BMPR2: variants seen among roughly 807,000 people sequenced by gnomAD.
The protein encoded by BMPR2 is bone morphogenetic protein receptor type-2.
BMPR2 carries 29 observed loss-of-function variants against 100.8 expected under a neutral mutation model. The observed-to-expected ratio is 0.29, with a 90% CI of 0.21 to 0.39. BMPR2 has a LOEUF of 0.39. BMPR2 is among the 10% of genes least tolerant of loss of function. The probability of loss-of-function intolerance (pLI) is 1.00; values close to 1 mark genes in which losing one functional copy is unlikely to be tolerated. For missense variants in BMPR2, 1,011 were observed against 1,274.5 expected (o/e 0.79, Z 3.15); for synonymous variants, 382 against 442.3 (o/e 0.86, Z 1.71).
At chr2:202,475,417 A>T (rs1039361902) in intron 3 of BMPR2, among the ~76,000 whole-genome samples, 3 of 152,202 alleles carry the variant, frequency 2.0e-5, no homozygotes, top group Non-Finnish European at 4.4e-5. Flanking sequence ...CCACAAAAAT[A>T]AAAAATTAAA....
chr2:202,501,932 C>T (rs1225540076), intron 3 of BMPR2, among the ~76,000 whole-genome samples: 1 of 152,200 alleles, frequency 6.6e-6, no homozygotes, highest in African/African-American at 2.4e-5. Flanking sequence ...TAATCCTGAC[C>T]TTAACCTATA....
In BMPR2 at chr2:202,564,229, GATC is replaced by G. The variant is rs1386073838; in HGVS notation, c.*4286_*4288del. On this transcript the variant is annotated 3_prime_UTR_variant, in exon 13 of 13. Transcript: ENST00000374580. ...TTATGGACATGAATATTTTATTGGA[GATC>G]ATTAACTCCTAGAATTTGAGATTAT... The G allele has an allele frequency of 1.3e-5, 2 of 152,110 alleles. No homozygotes were observed. The highest frequency in any genetic ancestry group is 4.8e-5 in the African/African-American group (2 of 41,432). The allele number at this position is 152,110 out of a possible 1,614,324, so 9.4% of individuals were successfully genotyped here. A position where few individuals can be genotyped will look rare whatever the true frequency, so the allele number is the denominator to read the frequency against.
At chr2:202,467,423 C>A in intron 2 of BMPR2, 96 bp from the exon 3 acceptor site, 2 of 1,068,834 alleles carry the variant, frequency 1.9e-6, no homozygotes, top group Non-Finnish European at 1.4e-6. Context: ...CTTACACGTA[C>A]TCTCACATTT....
rs145792249 is a variant in BMPR2, at chr2:202,544,512, G to A, written c.1413+2065G>A. ...CATGTGCTCTAGGCCCTAGTCTCCA[G>A]TCTAATGAGAATTTCAGTGCCATCC... On this transcript the variant is annotated intron_variant, in intron 10 of 12. Coordinates refer to ENST00000374580, the MANE Select transcript of BMPR2 (RefSeq NM_001204.7). Among the ~76,000 whole-genome samples, 139 of 152,222 alleles carry A rather than the reference G, an allele frequency of 9.1e-4. 2 individuals are homozygous for A. Among genetic ancestry groups the A allele is most frequent in the Non-Finnish European group, 1.9e-4 (13 of 68,010 alleles).
chr2:202,516,571 G>T lies in BMPR2; in HGVS notation c.621+1592G>T, dbSNP rs535421171. On this transcript the variant is annotated intron_variant, in intron 5 of 12. Coordinates refer to ENST00000374580, the MANE Select transcript of BMPR2 (RefSeq NM_001204.7). ...CACATGCCTGTAGTCCCAGCTACTC[G>T]GGAGGCTGAGGTTGAAGGATCACTT... Among the ~76,000 whole-genome samples the T allele has an allele frequency of 2.0e-5, 3 of 152,080 alleles. No individual in the cohort carries two copies. In the South Asian group the frequency reaches 6.2e-4, roughly 32 times the overall value.
intron 1 of BMPR2, among the ~76,000 whole-genome samples, chr2:202,423,880 C>G (rs1691324306): frequency 6.6e-6 from 1 of 151,914 alleles, no homozygotes; most frequent in Non-Finnish European, 1.5e-5. Flanking sequence ...CATGGCGAAA[C>G]CCTGTCTCTA....
intron 1 of BMPR2, among the ~76,000 whole-genome samples, chr2:202,431,888 A>G (rs990546821): frequency 2.0e-5 from 3 of 150,664 alleles, no homozygotes; most frequent in South Asian, 2.1e-4. Context: ...AGAGTAGCCA[A>G]TGAAAAACTC....
In BMPR2 at chr2:202,377,406, G is replaced by A; in HGVS notation, c.-69G>A. On this transcript the variant is annotated 5_prime_UTR_variant, in exon 1 of 13. Coordinates refer to ENST00000374580, the MANE Select transcript of BMPR2 (RefSeq NM_001204.7). ...CACGGGAGAGAAGACGAGCCTCCCG[G>A]CTGTTTCTCCGCCGGTCTACTTCCC... 6 of 1,478,894 alleles carry A rather than the reference G, an allele frequency of 4.1e-6. No homozygotes were observed. Among genetic ancestry groups the A allele is most frequent in the Non-Finnish European group, 5.7e-6 (6 of 1,056,650 alleles). 91.6% of individuals were successfully genotyped at this position (1,478,894 alleles called of 1,614,324 possible).
At chr2:202,514,387 T>C (rs1261437044) in intron 4 of BMPR2, among the ~76,000 whole-genome samples, 9 of 152,256 alleles carry the variant, frequency 5.9e-5, no homozygotes, top group East Asian at 3.9e-4. Context: ...CCGCCCGCCT[T>C]GGCCTCCCAA....
In BMPR2 at chr2:202,442,425, C is replaced by T. The variant is rs1574451594; in HGVS notation, c.77-22384C>T. 1.3e-5 allele frequency among the ~76,000 whole-genome samples: 2 copies of T among 150,216 alleles called. 1 individual carries two copies. The highest frequency in any genetic ancestry group is 5.0e-5 in the African/African-American group (2 of 39,662). The stretch of plus-strand genomic sequence containing the variant: ...CATGTTTTAGCGTATATCGGTACTT[C>T]CTTTCTTTTTTTTTAAACTATGGCA... On this transcript the variant is annotated intron_variant, in intron 1 of 12. Coordinates refer to ENST00000374580, the MANE Select transcript of BMPR2 (RefSeq NM_001204.7).
At chr2:202,537,920 C>G (rs941080291) in intron 9 of BMPR2, among the ~76,000 whole-genome samples, 13 of 152,082 alleles carry the variant, frequency 8.5e-5, no homozygotes, top group African/African-American at 2.2e-4. Context: ...GTCAGGAGTT[C>G]GAGACCAGCC....
chr2:202,444,574 C>T (rs1349000464), intron 1 of BMPR2, among the ~76,000 whole-genome samples: 1 of 150,550 alleles, frequency 6.6e-6, no homozygotes, highest in African/African-American at 2.5e-5. Context: ...ACATGTGGAA[C>T]ACTTTTGTGT....
chr2:202,492,706 A>G (rs1249691442), intron 3 of BMPR2, among the ~76,000 whole-genome samples: 5 of 149,250 alleles, frequency 3.4e-5, no homozygotes, highest in Non-Finnish European at 5.9e-5. Context: ...GTCTCAAAAA[A>G]AAAAAAAAAA....
Position 202,563,303 on chromosome 2 carries a change from G to C in BMPR2, c.*3357G>C, listed in dbSNP as rs1430865939. ...TTTTTAAAAATTAACTGAGCGTGGT[G>C]GTGGGCGCCTGTAGTCCCAGCTACT... is the stretch of plus-strand genomic sequence containing the variant. On this transcript the variant is annotated 3_prime_UTR_variant, in exon 13 of 13. Transcript: ENST00000374580. The C allele has an allele frequency of 6.6e-6, 1 of 152,188 alleles. No individual in the cohort carries two copies. Among genetic ancestry groups the C allele is most frequent in the Non-Finnish European group, 1.5e-5 (1 of 68,064 alleles). 9.4% of individuals were successfully genotyped at this position (152,188 alleles called of 1,614,324 possible).
intron 1 of BMPR2, among the ~76,000 whole-genome samples, chr2:202,457,128 A>G (rs1213725748): frequency 6.8e-6 from 1 of 147,536 alleles, no homozygotes. Context: ...TTATCTATCT[A>G]CCTACCTACC....
At chr2:202,421,641 C>CA (rs759171954) in intron 1 of BMPR2, among the ~76,000 whole-genome samples, 955 of 57,044 alleles carry the variant, frequency 0.017, 3 homozygotes, top group East Asian at 0.04. Context: ...GACTCCGTCT[C>CA]AAAAAAAAAA....
At position 202,440,968 on chromosome 2, in the gene BMPR2, ATAT is replaced by A. The variant is rs1245009917; in HGVS notation, c.77-23830_77-23828del. ...ATTTATTTGCTTTCCCACATAGAAA[ATAT>A]TATTATTATTGTTATTATTTTTCTT... On this transcript the variant is annotated intron_variant, in intron 1 of 12. Transcript: ENST00000374580. Among the ~76,000 whole-genome samples, 4 of 150,282 alleles carry A rather than the reference ATAT, an allele frequency of 2.7e-5. No individual in the cohort carries two copies. In the East Asian group the frequency reaches 5.8e-4, roughly 22 times the overall value.
intron 10 of BMPR2, among the ~76,000 whole-genome samples, chr2:202,544,303 CCTT>C (rs1432173019): frequency 3.3e-5 from 5 of 152,032 alleles, no homozygotes; most frequent in Non-Finnish European, 7.4e-5. Context: ...TGAAGTTCCT[CCTT>C]AAGTAATGTG....
In BMPR2 at chr2:202,563,526, T is replaced by C. The variant is rs571399856; in HGVS notation, c.*3580T>C. On this transcript the variant is annotated 3_prime_UTR_variant, in exon 13 of 13. Transcript: ENST00000374580. ...CACATACCTTAATGATTTGGGAAGT[T>C]AGGCAAATATGAGATATGTAGACAT... 1 of 152,324 alleles carries C rather than the reference T, an allele frequency of 6.6e-6. No homozygotes were observed. The highest frequency in any genetic ancestry group is 1.9e-4 in the East Asian group (1 of 5,196). 9.4% of individuals were successfully genotyped at this position (152,324 alleles called of 1,614,324 possible). A position where few individuals can be genotyped will look rare whatever the true frequency, so the allele number is the denominator to read the frequency against.
Sources: gnomAD v4.1 joint callset for allele counts (sites outside exome capture counted in the v4.1 genomes callset) on GRCh38, gnomAD v4.1.1 for gene constraint, MANE v1.5 for transcripts, NCBI Gene and HGNC (gene_info 2026-07-23, HGNC 2026-07-21) for gene names.